The following INTS7 variants were observed in gnomAD, a reference collection of about 807,000 sequenced individuals.
The protein encoded by INTS7 is chromosome 1 open reading frame 73.
Under a neutral mutation model 109.2 loss-of-function variants are expected in INTS7, and 46 were observed. The observed-to-expected ratio is 0.42, with a 90% CI of 0.33 to 0.54. The LOEUF (loss-of-function observed/expected upper bound fraction) is 0.54. INTS7 is among the 20% of genes least tolerant of loss of function. INTS7 has a pLI of 0.07. For missense variants in INTS7, 929 were observed against 1,132.4 expected (o/e 0.82, Z 2.58); for synonymous variants, 412 against 402.9 (o/e 1.02, Z -0.27).
At chr1:211,948,662 T>C (rs1243296927) in intron 17 of INTS7, among the ~76,000 whole-genome samples, 1 of 152,216 alleles carries the variant, frequency 6.6e-6, no homozygotes, top group Non-Finnish European at 1.5e-5. Context: ...GTAAATTACG[T>C]ATCATGATCA....
Position 211,966,440 on chromosome 1 carries a change from C to A in INTS7, c.2173G>T (p.Glu725Ter). ...HAIEALILDP[E>*]SASFQEYGST... ...TAATATTAGAATTACCTTGCTGATT[C>A]TGGATCCAAAATCAGGGCTTCTATT... Residue 725 changes from glutamate to a stop codon, truncating the protein, a stop_gained, in exon 16 of 20, where the codon GAA becomes TAA. Transcript: ENST00000366994. LOFTEE classifies it high-confidence loss of function. 1 of 1,582,942 alleles carries A rather than the reference C, an allele frequency of 6.3e-7. No homozygotes were observed. The highest frequency in any genetic ancestry group is 8.7e-7 in the Non-Finnish European group (1 of 1,152,188).
intron 16 of INTS7, among the ~76,000 whole-genome samples, chr1:211,954,667 T>A (rs1214548061): frequency 2.0e-5 from 3 of 152,354 alleles, no homozygotes; most frequent in Non-Finnish European, 4.4e-5. Context: ...CTTTCCCCAT[T>A]GCTTGTTTTT....
At chr1:212,001,064 C>CA (rs1665646808) in intron 7 of INTS7, among the ~76,000 whole-genome samples, 1 of 122,852 alleles carries the variant, frequency 8.1e-6, no homozygotes, top group Non-Finnish European at 1.7e-5. Flanking sequence ...GGCAGAATTC[C>CA]TTTTTTTTTT....
At position 211,952,640 on chromosome 1, in the gene INTS7, T is replaced by C. The variant is rs1280879718; in HGVS notation, c.2245A>G (p.Met749Val). 1.2e-6 allele frequency: 2 copies of C among 1,612,418 alleles called. No individual in the cohort carries two copies. The highest frequency in any genetic ancestry group is 1.3e-5 in the African/African-American group (1 of 74,998). The change falls in exon 17 of 20, where the codon ATG (methionine) becomes GTG (valine). Residue 749 changes from methionine to valine, a missense_variant. Physicochemically the swap from Met to Val is conservative, Grantham distance 21. Coordinates refer to ENST00000366994, the MANE Select transcript of INTS7 (RefSeq NM_015434.4). The part of the protein sequence containing the change: ...HADSEYERRM[M>V]SVYNHVLEEV... ...TCCAAGACATGATTATATACAGACA[T>C]CATTCTTCTTTCATATTCACTATCA...
At chr1:212,002,270 T>C (rs1214522916) in intron 7 of INTS7, among the ~76,000 whole-genome samples, 1 of 152,218 alleles carries the variant, frequency 6.6e-6, no homozygotes, top group African/African-American at 2.4e-5. Context: ...CCACATATTT[T>C]CTAATTCGAT....
intron 5 of INTS7, among the ~76,000 whole-genome samples, chr1:212,009,200 T>TAGG (rs1666061710): frequency 1.3e-5 from 2 of 152,226 alleles, no homozygotes; most frequent in African/African-American, 4.8e-5. Flanking sequence ...CCCACACTCC[T>TAGG]ATGTTTTCCT....
At chr1:212,024,358 T>G (rs139943545) in intron 1 of INTS7, among the ~76,000 whole-genome samples, 2,840 of 152,312 alleles carry the variant, frequency 0.019, 49 homozygotes, top group South Asian at 0.044. Flanking sequence ...TTTTTCCATT[T>G]GTGTCACCTA....
intron 7 of INTS7, among the ~76,000 whole-genome samples, chr1:211,993,679 C>CAAAAAAAAAAAAAAAAAAAACAA (rs1333287349): frequency 1.8e-5 from 1 of 54,792 alleles, no homozygotes; most frequent in African/African-American, 6.8e-5. Flanking sequence ...GACTAAAACT[C>CAAAAAAAAAAAAAAAAAAAACAA]AAAAAAAAAA....
At chr1:211,969,263 C>T (rs1381754744) in intron 13 of INTS7, among the ~76,000 whole-genome samples, 1 of 147,976 alleles carries the variant, frequency 6.8e-6, no homozygotes, top group South Asian at 2.1e-4. Context: ...CCAGCCTGGG[C>T]GATAGAACGA....
intron 3 of INTS7, among the ~76,000 whole-genome samples, chr1:212,019,498 G>C (rs1666599212): frequency 6.6e-6 from 1 of 152,116 alleles, no homozygotes; most frequent in Non-Finnish European, 1.5e-5. Flanking sequence ...GGCAGGCTAG[G>C]TCAGAAATGA....
chr1:212,022,423 C>G (rs1166733019), intron 1 of INTS7, among the ~76,000 whole-genome samples: 1 of 152,204 alleles, frequency 6.6e-6, no homozygotes, highest in Non-Finnish European at 1.5e-5. Flanking sequence ...TGATAAAGGA[C>G]TTCATCCACA....
At chr1:211,960,452 G>A (rs984711944) in intron 16 of INTS7, among the ~76,000 whole-genome samples, 3 of 152,142 alleles carry the variant, frequency 2.0e-5, no homozygotes, top group Non-Finnish European at 2.9e-5. Context: ...TCTGAACTGG[G>A]CTGAAATGGC....
intron 7 of INTS7, among the ~76,000 whole-genome samples, chr1:212,000,684 A>T (rs1006807657): frequency 4.6e-5 from 7 of 152,316 alleles, no homozygotes; most frequent in Admixed American, 4.6e-4. Flanking sequence ...GTTTCTTTAA[A>T]ACCTTTCTCT....
chr1:211,978,478 C>T lies in INTS7; in HGVS notation c.1264G>A (p.Gly422Ser). The T allele has an allele frequency of 6.2e-7, 1 of 1,614,136 alleles. No homozygotes were observed. The highest frequency in any genetic ancestry group is 8.5e-7 in the Non-Finnish European group (1 of 1,180,012). ...ACTGACTGGCTAAGATGGGGCCTGC[C>T]CTTGGCCAACTTCACCATACAGTTT... ...ALNCMVKLAK[G>S]RPHLSQSVVE... Residue 422 changes from glycine to serine, a missense_variant, in exon 11 of 20, where the codon GGC becomes AGC. Physicochemically the swap from Gly to Ser is moderately conservative, Grantham distance 56. Coordinates refer to ENST00000366994, the MANE Select transcript of INTS7 (RefSeq NM_015434.4).
chr1:211,992,429 T>C (rs1558042970), intron 7 of INTS7, among the ~76,000 whole-genome samples: 1 of 152,206 alleles, frequency 6.6e-6, no homozygotes, highest in Non-Finnish European at 1.5e-5. Flanking sequence ...TCTGTTTCTG[T>C]CATCTAGCAC....
At chr1:211,998,011 T>C (rs527737629) in intron 7 of INTS7, among the ~76,000 whole-genome samples, 2 of 152,104 alleles carry the variant, frequency 1.3e-5, no homozygotes, top group African/African-American at 4.8e-5. Context: ...AAATTTTACA[T>C]GGAAAGGCAG....
At chr1:212,021,556 G>C (rs531657741) in intron 1 of INTS7, among the ~76,000 whole-genome samples, 3 of 151,334 alleles carry the variant, frequency 2.0e-5, no homozygotes, top group African/African-American at 7.3e-5. Flanking sequence ...AAAAAAAAAA[G>C]CACGTTTAAC....
At chr1:211,968,317 A>T (rs1381557799) in intron 14 of INTS7, among the ~76,000 whole-genome samples, 196 bp downstream of exon 14, 1 of 152,186 alleles carries the variant, frequency 6.6e-6, no homozygotes, top group Non-Finnish European at 1.5e-5. Flanking sequence ...AATATGTAGC[A>T]CCCATTGAGA....
chr1:212,001,127 C>T (rs1479676347), intron 7 of INTS7, among the ~76,000 whole-genome samples: 1 of 145,792 alleles, frequency 6.9e-6, no homozygotes, highest in African/African-American at 2.5e-5. Context: ...AGTGCAATGG[C>T]GCGATCTAGG....
Sources: gnomAD v4.1 joint callset for allele counts (sites outside exome capture counted in the v4.1 genomes callset) on GRCh38, gnomAD v4.1.1 for gene constraint, MANE v1.5 for transcripts, NCBI Gene and HGNC (gene_info 2026-07-23, HGNC 2026-07-21) for gene names.